MGAT4C: variants seen among roughly 807,000 people sequenced by gnomAD.
MGAT4C encodes the protein alpha-1,3-mannosyl-glycoprotein 4-beta-N-acetylglucosaminyltransferase C.
Under a neutral mutation model 40.1 loss-of-function variants are expected in MGAT4C, and 19 were observed. The ratio of observed to expected loss-of-function variants is 0.47; its 90% CI spans 0.33 to 0.70. The LOEUF (loss-of-function observed/expected upper bound fraction) is 0.70. Among genes scored for constraint, MGAT4C ranks in the 30% least tolerant of loss-of-function variants. MGAT4C has a pLI of 0.02. For synonymous variants in MGAT4C, 181 were observed against 187.1 expected (o/e 0.97, Z 0.27); for missense variants, 491 against 563.2 (o/e 0.87, Z 1.30).
At chr12:86,779,641 C>T (rs556733214) in intron 1 of MGAT4C, among the ~76,000 whole-genome samples, 1 of 151,736 alleles carries the variant, frequency 6.6e-6, no homozygotes, top group African/African-American at 2.4e-5. Context: ...AGGCCGGGAG[C>T]GGTGGCTTAC....
intron 1 of MGAT4C, among the ~76,000 whole-genome samples, chr12:86,730,785 G>A (rs746736613): frequency 6.6e-5 from 10 of 152,046 alleles, no homozygotes; most frequent in Admixed American, 4.6e-4. Flanking sequence ...ACAATTTAAC[G>A]CAGAATCTAA....
chr12:86,153,163 G>A lies in MGAT4C; in HGVS notation c.-57+103076C>T, dbSNP rs1368913305. Among the ~76,000 whole-genome samples the A allele has an allele frequency of 2.6e-5, 4 of 152,146 alleles. No individual in the cohort carries two copies. In the East Asian group the frequency reaches 7.7e-4, roughly 29 times the overall value. ...ACTAAAAACAAGAATAAAGCAGTGA[G>A]TTGCCCTCTCTCAATTCAAACAGCT... On this transcript the variant is annotated intron_variant, in intron 1 of 4. Transcript: ENST00000611864.
Position 86,095,485 on chromosome 12 carries a change from C to T in MGAT4C, c.-56-45762G>A, listed in dbSNP as rs1406145128. ...GAATCTTTATTCTTTGAACATATTT[C>T]CTTTTATTAGCAACTACTTTAAAAT... On this transcript the variant is annotated intron_variant, in intron 1 of 4. Coordinates refer to ENST00000611864, the MANE Select transcript of MGAT4C (RefSeq NM_001351288.2). Among the ~76,000 whole-genome samples the T allele has an allele frequency of 2.0e-5, 3 of 151,804 alleles. No homozygotes were observed. The South Asian group carries it at 6.2e-4, about 31-fold the overall frequency.
At chr12:86,570,626 C>T (rs1960323536) in intron 2 of MGAT4C, among the ~76,000 whole-genome samples, 1 of 151,714 alleles carries the variant, frequency 6.6e-6, no homozygotes, top group Non-Finnish European at 1.5e-5. Context: ...TGGAAAGACA[C>T]CTATGTTGGT....
rs545350611 is a variant in MGAT4C, at chr12:86,055,111, G to A, written c.-56-5388C>T. 3.3e-5 allele frequency among the ~76,000 whole-genome samples: 5 copies of A among 152,084 alleles called. No individual in the cohort carries two copies. The South Asian group carries it at 8.3e-4, about 25-fold the overall frequency. On this transcript the variant is annotated intron_variant, in intron 1 of 4. Coordinates refer to ENST00000611864, the MANE Select transcript of MGAT4C (RefSeq NM_001351288.2). ...TTGACAAGCAGTAAATATTCAGTAA[G>A]TTTTTGTTGAAAGATTTGCATATTT... is the stretch of plus-strand genomic sequence containing the variant.
chr12:86,679,962 A>G (rs1949950115), intron 2 of MGAT4C, among the ~76,000 whole-genome samples: 1 of 152,014 alleles, frequency 6.6e-6, no homozygotes, highest in Admixed American at 6.6e-5. Context: ...CTTGCCTTAG[A>G]GTATCCTCAC....
At chr12:86,815,319 T>C (rs1952579653) in intron 1 of MGAT4C, among the ~76,000 whole-genome samples, 1 of 151,980 alleles carries the variant, frequency 6.6e-6, no homozygotes, top group African/African-American at 2.4e-5. Context: ...CCTGTAAGAA[T>C]GACCATAATC....
At chr12:86,008,509 A>C (rs1888126561) in intron 2 of MGAT4C, among the ~76,000 whole-genome samples, 1 of 152,072 alleles carries the variant, frequency 6.6e-6, no homozygotes, top group Non-Finnish European at 1.5e-5. Flanking sequence ...ACCTTGTTAA[A>C]TTTAACCATC....
At chr12:86,496,210 A>G (rs1565803577) in intron 2 of MGAT4C, among the ~76,000 whole-genome samples, 1 of 151,964 alleles carries the variant, frequency 6.6e-6, no homozygotes, top group Non-Finnish European at 1.5e-5. Flanking sequence ...CCCAGGACAG[A>G]GCCTGGGTTT....
chr12:86,483,300 C>T (rs143616295), intron 2 of MGAT4C, among the ~76,000 whole-genome samples: 32 of 152,260 alleles, frequency 2.1e-4, no homozygotes, highest in African/African-American at 7.0e-4. Flanking sequence ...GAGACATAAA[C>T]ATTCAGTCTA....
chr12:86,481,510 G>A (rs1355467272), intron 2 of MGAT4C, among the ~76,000 whole-genome samples: 1 of 151,856 alleles, frequency 6.6e-6, no homozygotes, highest in East Asian at 1.9e-4. Context: ...ATGTCAAAGA[G>A]ATACACAATA....
intron 1 of MGAT4C, among the ~76,000 whole-genome samples, chr12:86,765,241 C>G: frequency 6.6e-6 from 1 of 152,060 alleles, no homozygotes; most frequent in East Asian, 1.9e-4. Context: ...GGAGCTAATG[C>G]AATCAACTGG....
At chr12:86,182,319 T>C (rs962092833) in intron 1 of MGAT4C, among the ~76,000 whole-genome samples, 4 of 152,160 alleles carry the variant, frequency 2.6e-5, no homozygotes, top group Non-Finnish European at 5.9e-5. Context: ...TAAAGCAGGT[T>C]ATGCACAAAA....
chr12:86,369,533 G>A (rs1443532541), intron 3 of MGAT4C, among the ~76,000 whole-genome samples: 1 of 151,836 alleles, frequency 6.6e-6, no homozygotes. Context: ...CATGGGGCTT[G>A]TATAAAATTG....
chr12:86,326,296 T>TCA (rs3047013), intron 4 of MGAT4C, among the ~76,000 whole-genome samples: 11,689 of 140,700 alleles, frequency 0.083, 454 homozygotes, highest in Middle Eastern at 0.15. Context: ...AGTATTCTCA[T>TCA]CACACACACA....
At chr12:86,660,647 A>G (rs1963958676) in intron 2 of MGAT4C, among the ~76,000 whole-genome samples, 1 of 152,124 alleles carries the variant, frequency 6.6e-6, no homozygotes, top group South Asian at 2.1e-4. Flanking sequence ...AAGTGCAGTG[A>G]AGGCTGCTAA....
intron 4 of MGAT4C, among the ~76,000 whole-genome samples, chr12:86,291,691 A>C (rs75376506): frequency 0.068 from 10,297 of 152,252 alleles, 837 homozygotes; most frequent in East Asian, 0.25. Flanking sequence ...ATTACAAAGC[A>C]TGAATATGCT....
chr12:86,626,008 TA>T (rs2136495974), intron 2 of MGAT4C, among the ~76,000 whole-genome samples: 1 of 152,160 alleles, frequency 6.6e-6, no homozygotes, highest in East Asian at 1.9e-4. Flanking sequence ...ACTTTAAACC[TA>T]AAAATATGAA....
intron 1 of MGAT4C, among the ~76,000 whole-genome samples, chr12:86,770,479 G>A (rs986529317): frequency 1.3e-5 from 2 of 151,874 alleles, no homozygotes; most frequent in Non-Finnish European, 2.9e-5. Flanking sequence ...CATGATTTCT[G>A]CTTTATATAT....
Sources: allele counts gnomAD v4.1 joint callset (sites outside exome capture counted in the v4.1 genomes callset), GRCh38; gene constraint gnomAD v4.1.1; transcripts MANE v1.5; gene names NCBI Gene and HGNC (gene_info 2026-07-23, HGNC 2026-07-21).